Variants in SGCZ observed in about 807,000 individuals in gnomAD.
SGCZ encodes the protein zeta-sarcoglycan.
SGCZ carries 40 observed loss-of-function variants against 41.3 expected under a neutral mutation model. The observed-to-expected ratio is 0.97, with a 90% CI of 0.75 to 1.26. The LOEUF is 1.26. Among genes scored for constraint, SGCZ ranks in the 50% most tolerant of loss-of-function variants. The probability of loss-of-function intolerance (pLI) is 0.00; values close to 1 mark genes in which losing one functional copy is unlikely to be tolerated. For missense variants in SGCZ, 552 were observed against 369.8 expected, an observed-to-expected ratio of 1.49 and a Z score of -4.04; for synonymous variants, 206 against 137.5, an observed-to-expected ratio of 1.50 and a Z score of -3.49.
chr8:14,345,981 T>C (rs528753610), intron 2 of SGCZ, among the ~76,000 whole-genome samples: 1 of 152,194 alleles, frequency 6.6e-6, no homozygotes, highest in Non-Finnish European at 1.5e-5. Flanking sequence ...AGAGAAACTA[T>C]TTCACATTAT....
rs193001265 is a variant in SGCZ at position 14,642,520 on chromosome 8, T to C, written c.40-87594A>G. On this transcript the variant is annotated intron_variant, in intron 1 of 7. Transcript: ENST00000382080. ...ATATGTAAGGTATCGACCTTACATA[T>C]TGGCTTCTTCTAACAGCTTAGTTTA... 1.1e-3 allele frequency among the ~76,000 whole-genome samples: 165 copies of C among 150,972 alleles called. 1 individual carries two copies. Among genetic ancestry groups the C allele is most frequent in the Non-Finnish European group, 1.8e-3 (123 of 67,410 alleles).
chr8:14,571,200 C>G (rs1366853815), intron 1 of SGCZ, among the ~76,000 whole-genome samples: 1 of 152,106 alleles, frequency 6.6e-6, no homozygotes, highest in Non-Finnish European at 1.5e-5. Context: ...GAAACCGCCA[C>G]TTACAGAAAG....
intron 2 of SGCZ, among the ~76,000 whole-genome samples, chr8:14,421,907 G>C (rs994090772): frequency 6.6e-6 from 1 of 152,116 alleles, no homozygotes; most frequent in Admixed American, 6.6e-5. Context: ...AAGAATGTTA[G>C]TGGGAAGCTT....
chr8:14,090,366 A>G lies in SGCZ; in HGVS notation c.*77T>C. 1 of 1,499,108 alleles carries G rather than the reference A, an allele frequency of 6.7e-7. No individual in the cohort carries two copies. The highest frequency in any genetic ancestry group is 9.0e-7 in the Non-Finnish European group (1 of 1,111,772). The allele number at this position is 1,499,108 out of a possible 1,614,324, so 92.9% of individuals were successfully genotyped here. A position where few individuals can be genotyped will look rare whatever the true frequency, so the allele number is the denominator to read the frequency against. On this transcript the variant is annotated 3_prime_UTR_variant, in exon 8 of 8. Coordinates refer to ENST00000382080, the MANE Select transcript of SGCZ (RefSeq NM_139167.4). The stretch of plus-strand genomic sequence containing the variant: ...TTCGAAGAAGCTCTGGACTGATCAC[A>G]AGGGAAACCGAGCAGAACTGTGAAG...
rs150039346 is a variant in SGCZ at position 14,919,335 on chromosome 8, G to A, written c.39+318250C>T. ...ATGTGCCTATAATCCCAGCTACTCAGGGGGCTGAAGCAGGAGAATTGCTAG... is the reference window on the plus strand; with the variant it reads ...ATGTGCCTATAATCCCAGCTACTCAAGGGGCTGAAGCAGGAGAATTGCTAG... On this transcript the variant is annotated intron_variant, in intron 1 of 7. Transcript: ENST00000382080. Among the ~76,000 whole-genome samples the A allele has an allele frequency of 1.1e-4, 17 of 152,174 alleles. No individual in the cohort carries two copies. The South Asian group carries it at 2.3e-3, about 20-fold the overall frequency.
chr8:14,548,052 T>A (rs1803685760), intron 2 of SGCZ, among the ~76,000 whole-genome samples: 1 of 152,170 alleles, frequency 6.6e-6, no homozygotes, highest in Non-Finnish European at 1.5e-5. Context: ...TGTTGTTAAT[T>A]AATTGTTAGT....
intron 1 of SGCZ, among the ~76,000 whole-genome samples, chr8:14,559,258 A>C (rs764365695): frequency 6.6e-6 from 1 of 152,100 alleles, no homozygotes; most frequent in Non-Finnish European, 1.5e-5. Context: ...AAGCTCCTAG[A>C]ACTGATGAAT....
chr8:14,599,689 T>C (rs1173442081), intron 1 of SGCZ, among the ~76,000 whole-genome samples: 2 of 152,216 alleles, frequency 1.3e-5, no homozygotes, highest in Admixed American at 6.5e-5. Flanking sequence ...TTTCTTTTCC[T>C]AATAAATGAA....
At chr8:14,865,536 C>G (rs181259627) in intron 1 of SGCZ, among the ~76,000 whole-genome samples, 1 of 152,196 alleles carries the variant, frequency 6.6e-6, no homozygotes, top group East Asian at 1.9e-4. Flanking sequence ...CGTGGGGTAT[C>G]TGTTTGTTCT....
intron 1 of SGCZ, among the ~76,000 whole-genome samples, chr8:14,612,046 T>C (rs1436422098): frequency 6.6e-6 from 1 of 152,238 alleles, no homozygotes; most frequent in Admixed American, 6.5e-5. Context: ...TTATTTAGCA[T>C]TTGTCCTTCA....
At chr8:15,127,661 A>C (rs1807755771) in intron 1 of SGCZ, among the ~76,000 whole-genome samples, 1 of 152,204 alleles carries the variant, frequency 6.6e-6, no homozygotes. Context: ...TTTCAATTTT[A>C]AAGTAACTTA....
intron 2 of SGCZ, among the ~76,000 whole-genome samples, chr8:14,458,145 T>C (rs1800802956): frequency 6.6e-6 from 1 of 152,210 alleles, no homozygotes. Context: ...TAGAACTATA[T>C]TACTGGTTCA....
intron 5 of SGCZ, among the ~76,000 whole-genome samples, chr8:14,162,866 T>A (rs1258854411): frequency 6.6e-6 from 1 of 152,232 alleles, no homozygotes; most frequent in Non-Finnish European, 1.5e-5. Flanking sequence ...TAATAACACA[T>A]CTTTTTATTT....
At chr8:14,399,429 T>C (rs1436180584) in intron 2 of SGCZ, among the ~76,000 whole-genome samples, 1 of 152,138 alleles carries the variant, frequency 6.6e-6, no homozygotes, top group Non-Finnish European at 1.5e-5. Context: ...CTTGACAGGC[T>C]GGACTTCTGT....
chr8:14,276,919 T>C (rs547567086), intron 3 of SGCZ, among the ~76,000 whole-genome samples: 2 of 152,278 alleles, frequency 1.3e-5, no homozygotes, highest in Admixed American at 1.3e-4. Context: ...AAGTAACCAA[T>C]GGAAACCCCT....
At chr8:15,204,553 G>C (rs1179457131) in intron 1 of SGCZ, among the ~76,000 whole-genome samples, 1 of 152,056 alleles carries the variant, frequency 6.6e-6, no homozygotes, top group Admixed American at 6.6e-5. Flanking sequence ...GGGTATCAGA[G>C]GCTAGCTTTC....
chr8:15,003,537 C>A (rs62495392), intron 1 of SGCZ, among the ~76,000 whole-genome samples: 24,141 of 151,988 alleles, frequency 0.16, 2,077 homozygotes, highest in Admixed American at 0.24. Flanking sequence ...GTTAGTCAAA[C>A]CATACAATTA....
chr8:14,976,277 C>A lies in SGCZ; in HGVS notation c.39+261308G>T, dbSNP rs146833294. Among the ~76,000 whole-genome samples the A allele has an allele frequency of 3.8e-3, 581 of 152,050 alleles. 3 individuals carry two copies. The highest frequency in any genetic ancestry group is 0.013 in the African/African-American group (560 of 41,486). ...ACCTCAAGTGATCCACCTGCCTTGG[C>A]CTCTCAAAGTGCTAGGATTACAGGT... is the stretch of plus-strand genomic sequence containing the variant. On this transcript the variant is annotated intron_variant, in intron 1 of 7. Coordinates refer to ENST00000382080, the MANE Select transcript of SGCZ (RefSeq NM_139167.4).
At chr8:14,263,978 C>G (rs890935323) in intron 3 of SGCZ, among the ~76,000 whole-genome samples, 4 of 152,210 alleles carry the variant, frequency 2.6e-5, no homozygotes, top group South Asian at 2.1e-4. Flanking sequence ...CAACCTCTGG[C>G]TCCAGGCCAC....
Sources: allele counts gnomAD v4.1 joint callset (sites outside exome capture counted in the v4.1 genomes callset), GRCh38; gene constraint gnomAD v4.1.1; transcripts MANE v1.5; gene names NCBI Gene and HGNC (gene_info 2026-07-23, HGNC 2026-07-21).